Variants in TEX11 observed in about 807,000 individuals in gnomAD.
The protein encoded by TEX11 is testis expressed 11.
Under a neutral mutation model 84.4 loss-of-function variants are expected in TEX11, and 7 were observed. That is an observed-to-expected ratio of 0.08 (90% CI 0.05 to 0.16). The LOEUF is 0.16. TEX11 is among the 10% of genes least tolerant of loss of function. The probability of loss-of-function intolerance (pLI) is 1.00; values close to 1 mark genes in which losing one functional copy is unlikely to be tolerated. For missense variants in TEX11, 551 were observed against 660.5 expected (o/e 0.83, Z 1.82); for synonymous variants, 264 against 222.8 (o/e 1.18, Z -1.64).
intron 13 of TEX11, among the ~76,000 whole-genome samples, chrX:70,715,625 A>G (rs2090491026): frequency 8.9e-6 from 1 of 112,073 alleles, no homozygotes. Context: ...TTCTCGTGCC[A>G]TGGTTTTCAG....
intron 21 of TEX11, among the ~76,000 whole-genome samples, chrX:70,609,957 T>G (rs959453548): frequency 9.1e-6 from 1 of 109,800 alleles, no homozygotes; most frequent in Non-Finnish European, 1.9e-5. Flanking sequence ...GGCACAGACT[T>G]GGGTGGACAG....
At chrX:70,551,470 A>G (rs1049438213) in intron 28 of TEX11, among the ~76,000 whole-genome samples, 3 of 111,376 alleles carry the variant, frequency 2.7e-5, no homozygotes, top group Non-Finnish European at 5.7e-5. Flanking sequence ...TATGCATTAT[A>G]TGCCTGTACC....
chrX:70,658,404 G>A (rs1485411318), intron 16 of TEX11, among the ~76,000 whole-genome samples: 1 of 111,372 alleles, frequency 9.0e-6, no homozygotes, highest in Non-Finnish European at 1.9e-5. Context: ...GCGACAGAGC[G>A]AGACTCAGTC....
chrX:70,555,257 C>T (rs1236121710), intron 25 of TEX11, among the ~76,000 whole-genome samples: 3 of 111,888 alleles, frequency 2.7e-5, no homozygotes, highest in African/African-American at 9.7e-5. Flanking sequence ...AGGAGAGTTT[C>T]CAAACTGTTT....
intron 13 of TEX11, among the ~76,000 whole-genome samples, chrX:70,704,115 G>GTCTC (rs112493809): frequency 1.4e-4 from 14 of 103,633 alleles, no homozygotes; most frequent in African/African-American, 3.9e-4. Flanking sequence ...CTCTGTCTCT[G>GTCTC]TCTCTCTCTC....
intron 24 of TEX11, 117 bp downstream of exon 24, chrX:70,605,284 A>G: frequency 2.1e-6 from 1 of 470,112 alleles, no homozygotes; most frequent in Non-Finnish European, 3.6e-6. Flanking sequence ...AATCAAGACG[A>G]TGCTGGAGTG....
intron 28 of TEX11, among the ~76,000 whole-genome samples, chrX:70,530,809 G>C (rs1446195042): frequency 1.8e-5 from 2 of 111,732 alleles, no homozygotes; most frequent in Non-Finnish European, 3.8e-5. Flanking sequence ...CACTAAGAGG[G>C]AAAAGACAAA....
intron 28 of TEX11, among the ~76,000 whole-genome samples, chrX:70,532,805 G>T (rs1001251070): frequency 9.0e-6 from 1 of 110,866 alleles, no homozygotes; most frequent in African/African-American, 3.3e-5. Flanking sequence ...TTGGGAGGCC[G>T]AGGCAGGCAG....
intron 4 of TEX11, among the ~76,000 whole-genome samples, chrX:70,872,984 A>G (rs1185807754): frequency 9.0e-6 from 1 of 110,728 alleles, no homozygotes; most frequent in Non-Finnish European, 1.9e-5. Context: ...TCACCTCCTG[A>G]CTATTTCTTG....
At chrX:70,677,810 C>CTTTTTTTTTTTT (rs35653618) in intron 15 of TEX11, among the ~76,000 whole-genome samples, 2 of 63,582 alleles carry the variant, frequency 3.1e-5, no homozygotes, top group Non-Finnish European at 5.5e-5. Flanking sequence ...CTTTTCTTTC[C>CTTTTTTTTTTTT]TTTTTTTTTT....
intron 9 of TEX11, among the ~76,000 whole-genome samples, chrX:70,794,562 C>G (rs2091144745): frequency 1.8e-5 from 2 of 108,616 alleles, no homozygotes; most frequent in South Asian, 8.2e-4. Flanking sequence ...AAGAGACCCC[C>G]TTCCTTCTGC....
chrX:70,511,772 AAAAAGAAAAC>A, the TEX11 span, among the ~76,000 whole-genome samples: 1 of 102,829 alleles, frequency 9.7e-6, no homozygotes, highest in Non-Finnish European at 2.0e-5. Context: ...AAAAAAAAAA[AAAAAGAAAAC>A]AAAAGAAAAG....
At chrX:70,851,666 TACACACACAC>T (rs55903537) in intron 7 of TEX11, among the ~76,000 whole-genome samples, 19 of 92,003 alleles carry the variant, frequency 2.1e-4, no homozygotes, top group Admixed American at 1.1e-3. Flanking sequence ...ATTAAAAACA[TACACACACAC>T]ACACACACAC....
At chrX:70,810,584 G>A (rs2091246676) in intron 8 of TEX11, among the ~76,000 whole-genome samples, 1 of 111,045 alleles carries the variant, frequency 9.0e-6, no homozygotes, top group Admixed American at 9.6e-5. Flanking sequence ...ATAAGTGGGA[G>A]CTGAACAATG....
chrX:70,515,278 A>G, the TEX11 span, among the ~76,000 whole-genome samples: 4 of 55,266 alleles, frequency 7.2e-5, no homozygotes, highest in Admixed American at 2.1e-4. Flanking sequence ...ACCCCCCCCC[A>G]CCCCACAACA....
chrX:70,556,960 G>GTATA (rs1555982281), intron 25 of TEX11, among the ~76,000 whole-genome samples: 1 of 109,200 alleles, frequency 9.2e-6, no homozygotes, highest in Non-Finnish European at 1.9e-5. Context: ...CAACAATCAA[G>GTATA]TATTTATTTA....
downstream of TEX11, among the ~76,000 whole-genome samples, chrX:70,527,416 T>A (rs2147921681): frequency 8.9e-6 from 1 of 111,832 alleles, no homozygotes; most frequent in African/African-American, 3.2e-5. Context: ...ATGCATAAAC[T>A]GAAGCTAATC....
intron 9 of TEX11, among the ~76,000 whole-genome samples, chrX:70,763,991 T>C (rs1385748432): frequency 8.9e-6 from 1 of 112,248 alleles, no homozygotes; most frequent in Non-Finnish European, 1.9e-5. Context: ...ATGGATCTAA[T>C]GGATATTTAC....
At chrX:70,541,871 C>T (rs1385011688) in intron 28 of TEX11, among the ~76,000 whole-genome samples, 2 of 112,318 alleles carry the variant, frequency 1.8e-5, no homozygotes, top group African/African-American at 6.5e-5. Context: ...AAAACTTGAA[C>T]AATCGACTTC....
Sources: gnomAD v4.1 joint callset for allele counts (sites outside exome capture counted in the v4.1 genomes callset) on GRCh38, gnomAD v4.1.1 for gene constraint, MANE v1.5 for transcripts, NCBI Gene and HGNC (gene_info 2026-07-23, HGNC 2026-07-21) for gene names.